Variants in BAIAP2 observed in about 807,000 individuals in gnomAD.
BAIAP2 encodes the protein BAR/IMD domain containing adaptor protein 2.
Under a neutral mutation model 63.0 loss-of-function variants are expected in BAIAP2, and 18 were observed. The ratio of observed to expected loss-of-function variants is 0.29; its 90% CI spans 0.20 to 0.42. The LOEUF is 0.42. BAIAP2 is among the 10% of genes least tolerant of loss of function. The pLI is 1.00. For synonymous variants in BAIAP2, 386 were observed against 307.6 expected, an observed-to-expected ratio of 1.25 and a Z score of -2.67; for missense variants, 610 against 734.3, an observed-to-expected ratio of 0.83 and a Z score of 1.96.
chr17:81,109,597 C>T (rs1442335738), intron 13 of BAIAP2: 9 of 985,162 alleles, frequency 9.1e-6, no homozygotes, highest in Admixed American at 1.2e-4. Flanking sequence ...GTGCCAAGCT[C>T]GAGGGGCCTC....
chr17:81,079,304 C>T (rs901065486), intron 3 of BAIAP2, among the ~76,000 whole-genome samples: 11 of 152,290 alleles, frequency 7.2e-5, no homozygotes, highest in African/African-American at 1.2e-4. Flanking sequence ...TCCCGTGGAG[C>T]GGGTTTCACT....
intron 3 of BAIAP2, among the ~76,000 whole-genome samples, chr17:81,064,012 C>G (rs2051036846): frequency 2.0e-5 from 3 of 152,198 alleles, no homozygotes; most frequent in African/African-American, 7.2e-5. Flanking sequence ...GGTCCTGACA[C>G]CCGGCCGAGC....
chr17:81,101,219 C>T (rs1484223271), intron 7 of BAIAP2, among the ~76,000 whole-genome samples: 1 of 152,160 alleles, frequency 6.6e-6, no homozygotes, highest in African/African-American at 2.4e-5. Context: ...TCCGCCATGT[C>T]CCAGGACCAA....
intron 3 of BAIAP2, among the ~76,000 whole-genome samples, chr17:81,059,922 G>A (rs1244413787): frequency 6.6e-6 from 1 of 152,216 alleles, no homozygotes. Context: ...AGAACTTCCT[G>A]TTGGCGGAGT....
At chr17:81,053,430 G>T in intron 1 of BAIAP2, 3 of 557,012 alleles carry the variant, frequency 5.4e-6, no homozygotes, top group Non-Finnish European at 9.6e-6. Flanking sequence ...CTGCGGCCGG[G>T]TTTCTTCTTA....
At chr17:81,073,723 C>T (rs2053122492) in intron 3 of BAIAP2, among the ~76,000 whole-genome samples, 1 of 152,184 alleles carries the variant, frequency 6.6e-6, no homozygotes, top group South Asian at 2.1e-4. Context: ...CACTCGCAGA[C>T]TATAAGAACA....
intron 3 of BAIAP2, among the ~76,000 whole-genome samples, chr17:81,060,352 C>T (rs2050335474): frequency 6.6e-6 from 1 of 152,346 alleles, no homozygotes; most frequent in African/African-American, 2.4e-5. Flanking sequence ...GTCCCTCCCT[C>T]ATCCCCACGC....
chr17:81,113,315 G>A (rs1216750655), intron 13 of BAIAP2, among the ~76,000 whole-genome samples: 5 of 152,310 alleles, frequency 3.3e-5, no homozygotes, highest in South Asian at 2.1e-4. Flanking sequence ...CGTGGCAATC[G>A]CTGCCCAGGG....
intron 1 of BAIAP2, 138 bp from the exon 2 acceptor site, chr17:81,053,530 G>A (rs1016294592): frequency 5.8e-6 from 5 of 862,490 alleles, no homozygotes; most frequent in African/African-American, 5.0e-5. Context: ...TTGAACTTGG[G>A]AAGCCCACCT....
At chr17:81,061,793 G>C (rs1209305320) in intron 3 of BAIAP2, among the ~76,000 whole-genome samples, 1 of 152,154 alleles carries the variant, frequency 6.6e-6, no homozygotes, top group Non-Finnish European at 1.5e-5. Flanking sequence ...TTGGTGAAGT[G>C]TGTGTTCGAA....
chr17:81,112,958 A>G (rs986837901), intron 13 of BAIAP2, among the ~76,000 whole-genome samples: 2 of 152,168 alleles, frequency 1.3e-5, no homozygotes, highest in African/African-American at 4.8e-5. Flanking sequence ...CAGGAGGCTG[A>G]GGTGGGAGGA....
At position 81,115,755 on chromosome 17, in the gene BAIAP2, G is replaced by A. The variant is rs201060434; in HGVS notation, c.1536-15G>A. ...CTTCCGCCCTAAAAATTAAAACCAC[G>A]TTTTTCTCTTTCAGGAATCCCTTTG... On this transcript the variant is annotated splice_polypyrimidine_tract_variant and intron_variant, in intron 13 of 13. Coordinates refer to ENST00000428708, the MANE Select transcript of BAIAP2 (RefSeq NM_001144888.2). The A allele has an allele frequency of 2.2e-3, 3,476 of 1,613,434 alleles. 9 individuals are homozygous for A. The highest frequency in any genetic ancestry group is 2.8e-3 in the Non-Finnish European group (3,293 of 1,179,966).
chr17:81,098,792 A>G (rs545466595), intron 6 of BAIAP2, among the ~76,000 whole-genome samples: 1 of 152,272 alleles, frequency 6.6e-6, no homozygotes, highest in African/African-American at 2.4e-5. Context: ...CCAGGGCCAC[A>G]GACGCAAGGG....
At chr17:81,067,167 C>T (rs974194915) in intron 3 of BAIAP2, among the ~76,000 whole-genome samples, 1 of 152,194 alleles carries the variant, frequency 6.6e-6, no homozygotes, top group Non-Finnish European at 1.5e-5. Flanking sequence ...ACCTCCCTTC[C>T]CCCCCACACT....
At chr17:81,043,118 C>T (rs550160819) in intron 1 of BAIAP2, among the ~76,000 whole-genome samples, 15 of 152,206 alleles carry the variant, frequency 9.9e-5, no homozygotes, top group African/African-American at 2.9e-4. Flanking sequence ...CCTCCCACCT[C>T]GGCCTCCCAG....
At chr17:81,084,374 C>T (rs2055186664) in intron 3 of BAIAP2, among the ~76,000 whole-genome samples, 1 of 152,140 alleles carries the variant, frequency 6.6e-6, no homozygotes, top group South Asian at 2.1e-4. Context: ...CCAGCGTGTG[C>T]CCATGGGTGT....
chr17:81,110,106 G>T (rs1325752473), intron 13 of BAIAP2: 1 of 985,308 alleles, frequency 1.0e-6, no homozygotes, highest in African/African-American at 1.7e-5. Flanking sequence ...GGCACAGCCC[G>T]GCTCAGCCTG....
rs1277189028 is a variant in BAIAP2 at position 81,053,757 on chromosome 17, C to T, written c.130+14C>T. Reference sequence around the variant, plus strand: ...AGGCACTGGCAGGTGGAACTGCGCCCGGGCCCCGTGGGGTGGGAGCTGCCT... The same window carrying T: ...AGGCACTGGCAGGTGGAACTGCGCCTGGGCCCCGTGGGGTGGGAGCTGCCT... On this transcript the variant is annotated intron_variant, in intron 2 of 13. Coordinates refer to ENST00000428708, the MANE Select transcript of BAIAP2 (RefSeq NM_001144888.2). 8.7e-6 allele frequency: 14 copies of T among 1,613,684 alleles called. No homozygotes were observed. The Admixed American group carries it at 1.3e-4, about 15-fold the overall frequency.
At chr17:81,102,354 C>T (rs558083246) in intron 7 of BAIAP2, among the ~76,000 whole-genome samples, 2 of 152,278 alleles carry the variant, frequency 1.3e-5, no homozygotes, top group Admixed American at 6.5e-5. Context: ...GTGCTGGTCC[C>T]TGCTGGCCTC....
Sources: allele counts gnomAD v4.1 joint callset (sites outside exome capture counted in the v4.1 genomes callset), GRCh38; gene constraint gnomAD v4.1.1; transcripts MANE v1.5; gene names NCBI Gene and HGNC (gene_info 2026-07-23, HGNC 2026-07-21).